The following RASSF8 variants were observed in gnomAD, a reference collection of about 807,000 sequenced individuals.
The protein encoded by RASSF8 is Ras association domain family member 8.
A neutral mutation model predicts 48.5 loss-of-function variants in RASSF8; 22 were observed. That is an observed-to-expected ratio of 0.45 (90% CI 0.32 to 0.65). The LOEUF (loss-of-function observed/expected upper bound fraction) is 0.65. Among genes scored for constraint, RASSF8 ranks in the 30% least tolerant of loss-of-function variants. The pLI is 0.03. For synonymous variants in RASSF8, 127 were observed against 171.5 expected (o/e 0.74, Z 2.03); for missense variants, 418 against 489.2 (o/e 0.85, Z 1.37).
intron 2 of RASSF8, among the ~76,000 whole-genome samples, chr12:26,019,841 G>A (rs1176675494): frequency 6.6e-6 from 1 of 152,028 alleles, no homozygotes; most frequent in Non-Finnish European, 1.5e-5. Flanking sequence ...CTGTGACTTA[G>A]ATAATTCTCT....
intron 2 of RASSF8, among the ~76,000 whole-genome samples, chr12:26,041,264 A>C (rs187179405): frequency 2.6e-5 from 4 of 152,234 alleles, no homozygotes; most frequent in African/African-American, 9.6e-5. Context: ...TATCATGTTG[A>C]AACACAAGCT....
chr12:26,046,864 C>T (rs1039927206), intron 2 of RASSF8, among the ~76,000 whole-genome samples: 1 of 152,192 alleles, frequency 6.6e-6, no homozygotes, highest in Non-Finnish European at 1.5e-5. Flanking sequence ...TAAAATATCA[C>T]CAAGTTTTCA....
downstream of RASSF8, among the ~76,000 whole-genome samples, chr12:26,076,314 G>A (rs1031914047): frequency 7.3e-5 from 11 of 151,144 alleles, no homozygotes; most frequent in African/African-American, 2.4e-4. Flanking sequence ...TGTGCACAAC[G>A]TGCAGGTTTG....
chr12:25,986,277 G>A (rs1194713777), intron 1 of RASSF8, among the ~76,000 whole-genome samples: 2 of 152,172 alleles, frequency 1.3e-5, no homozygotes, highest in Non-Finnish European at 2.9e-5. Context: ...ACCTGCCAGT[G>A]ACAATTTTTA....
At chr12:26,001,272 C>G (rs1276795445) in intron 2 of RASSF8, among the ~76,000 whole-genome samples, 3 of 150,530 alleles carry the variant, frequency 2.0e-5, no homozygotes, top group African/African-American at 7.3e-5. Flanking sequence ...TGGGCTCAAG[C>G]AGTCCAACCA....
chr12:25,980,332 A>G (rs1379036522), intron 1 of RASSF8, among the ~76,000 whole-genome samples: 1 of 152,220 alleles, frequency 6.6e-6, no homozygotes, highest in Non-Finnish European at 1.5e-5. Context: ...GATAAATGCC[A>G]TATATACAAC....
downstream of RASSF8, among the ~76,000 whole-genome samples, chr12:26,073,957 T>C (rs1055242120): frequency 2.7e-5 from 4 of 150,878 alleles, no homozygotes; most frequent in Admixed American, 6.6e-5. Flanking sequence ...CATCTATATA[T>C]ATAGAGAGAG....
chr12:26,063,254 T>C (rs1279143324), intron 3 of RASSF8, among the ~76,000 whole-genome samples: 1 of 152,244 alleles, frequency 6.6e-6, no homozygotes, highest in Non-Finnish European at 1.5e-5. Context: ...ATAATCTATC[T>C]GACCCACTCA....
At chr12:26,046,087 A>T (rs559673127) in intron 2 of RASSF8, among the ~76,000 whole-genome samples, 5 of 152,292 alleles carry the variant, frequency 3.3e-5, no homozygotes, top group African/African-American at 9.6e-5. Context: ...GAGAGACTGG[A>T]AGGAGCAGTT....
At chr12:25,966,454 C>T (rs1201564581) in intron 1 of RASSF8, among the ~76,000 whole-genome samples, 2 of 152,134 alleles carry the variant, frequency 1.3e-5, no homozygotes, top group Admixed American at 6.5e-5. Context: ...AAGCAGTCCT[C>T]CCACCTTGGC....
At chr12:26,048,851 T>G (rs1230961938) in intron 2 of RASSF8, among the ~76,000 whole-genome samples, 1 of 152,192 alleles carries the variant, frequency 6.6e-6, no homozygotes, top group African/African-American at 2.4e-5. Context: ...CCTCTCATGT[T>G]AAAGCGATTC....
At chr12:26,022,437 G>A (rs1942807562) in intron 2 of RASSF8, among the ~76,000 whole-genome samples, 1 of 152,132 alleles carries the variant, frequency 6.6e-6, no homozygotes, top group Non-Finnish European at 1.5e-5. Context: ...AAATGTCCAG[G>A]TTTGAGCAAA....
chr12:26,059,065 C>T (rs1943681031), intron 3 of RASSF8, among the ~76,000 whole-genome samples: 1 of 152,226 alleles, frequency 6.6e-6, no homozygotes, highest in South Asian at 2.1e-4. Flanking sequence ...GTCTAAACTG[C>T]TTCTCAAATC....
chr12:25,975,228 A>G (rs1018616240), intron 1 of RASSF8, among the ~76,000 whole-genome samples: 1 of 152,150 alleles, frequency 6.6e-6, no homozygotes, highest in African/African-American at 2.4e-5. Context: ...ATAAGGGAGA[A>G]TGTGGTCTGC....
intron 2 of RASSF8, among the ~76,000 whole-genome samples, chr12:26,053,599 T>G (rs1172384977): frequency 8.8e-6 from 1 of 113,632 alleles, no homozygotes; most frequent in African/African-American, 3.4e-5. Context: ...TGTTTAACTT[T>G]ATTTACTGGC....
chr12:26,016,730 A>G (rs1942660171), intron 2 of RASSF8, among the ~76,000 whole-genome samples: 1 of 152,192 alleles, frequency 6.6e-6, no homozygotes, highest in African/African-American at 2.4e-5. Context: ...ATAAGGTGTG[A>G]AAATATTTTC....
At chr12:26,063,156 A>G (rs1014072549) in intron 3 of RASSF8, among the ~76,000 whole-genome samples, 3 of 152,244 alleles carry the variant, frequency 2.0e-5, no homozygotes, top group Non-Finnish European at 2.9e-5. Flanking sequence ...AAATCAATCA[A>G]TAGCTGTTTA....
intron 2 of RASSF8, among the ~76,000 whole-genome samples, chr12:26,035,929 CAT>C (rs1423323764): frequency 4.2e-5 from 6 of 142,706 alleles, no homozygotes; most frequent in African/African-American, 1.0e-4. Flanking sequence ...TGATATATAT[CAT>C]ATATTTCATA....
In RASSF8 at chr12:26,070,081, C is replaced by T. The variant is rs1246704098; in HGVS notation, c.*1263C>T. ...TTTAGACAGATTCAGTCAGACACCA[C>T]TTAGCCATTTTTACATTCCCTCTGG... On this transcript the variant is annotated 3_prime_UTR_variant, in exon 6 of 6. Coordinates refer to ENST00000689635, the MANE Select transcript of RASSF8 (RefSeq NM_001394098.1). 1.0e-6 allele frequency: 1 copy of T among 982,442 alleles called. No homozygotes were observed. Among genetic ancestry groups the T allele is most frequent in the Non-Finnish European group, 1.2e-6 (1 of 827,220 alleles). The allele number at this position is 982,442 out of a possible 1,614,324, so 60.9% of individuals were successfully genotyped here.
Sources: gnomAD v4.1 joint callset for allele counts (sites outside exome capture counted in the v4.1 genomes callset) on GRCh38, gnomAD v4.1.1 for gene constraint, MANE v1.5 for transcripts, NCBI Gene and HGNC (gene_info 2026-07-23, HGNC 2026-07-21) for gene names.